The following CASP2 variants were observed in gnomAD, a reference collection of about 807,000 sequenced individuals.
CASP2 encodes caspase-2.
CASP2 carries 38 observed loss-of-function variants against 54.4 expected under a neutral mutation model. The observed-to-expected ratio is 0.70, with a 90% CI of 0.54 to 0.92. The LOEUF (loss-of-function observed/expected upper bound fraction) is 0.92. Ranked by LOEUF, CASP2 falls within the 40% of genes least tolerant of loss-of-function variation. The probability of loss-of-function intolerance (pLI) is 0.00; values close to 1 mark genes in which losing one functional copy is unlikely to be tolerated. For synonymous variants in CASP2, 215 were observed against 216.3 expected (o/e 0.99, Z 0.05); for missense variants, 512 against 579.6 (o/e 0.88, Z 1.20).
At chr7:143,301,330 T>C (rs1446311071) in intron 8 of CASP2, 4 of 152,066 alleles carry the variant, frequency 2.6e-5, no homozygotes, top group Non-Finnish European at 5.9e-5. Context: ...CCTGATCTAG[T>C]ATTACCGCAG....
chr7:143,291,742 G>C, intron 2 of CASP2, 52 bp downstream of exon 2: 1 of 1,289,678 alleles, frequency 7.8e-7, no homozygotes, highest in Non-Finnish European at 1.1e-6. Flanking sequence ...TGGGAATAGA[G>C]CATGACAAAA....
At chr7:143,292,171 T>G in intron 2 of CASP2, 129 bp from the exon 3 acceptor site, 2 of 846,048 alleles carry the variant, frequency 2.4e-6, no homozygotes, top group East Asian at 5.1e-5. Context: ...AGAAAGGACT[T>G]CACCCATACA....
intron 6 of CASP2, among the ~76,000 whole-genome samples, chr7:143,297,842 C>T (rs1186350683): frequency 6.6e-6 from 1 of 152,204 alleles, no homozygotes; most frequent in African/African-American, 2.4e-5. Flanking sequence ...GTTATGTATT[C>T]TCTTGAAATT....
chr7:143,302,371 A>C (rs903850023), intron 8 of CASP2: 10 of 152,140 alleles, frequency 6.6e-5, no homozygotes, highest in African/African-American at 2.2e-4. Flanking sequence ...ACTTTTCTGA[A>C]ATTAAATCCT....
At chr7:143,295,392 T>A (rs1404797921) in intron 6 of CASP2, among the ~76,000 whole-genome samples, 1 of 152,348 alleles carries the variant, frequency 6.6e-6, no homozygotes, top group East Asian at 1.9e-4. Flanking sequence ...GGACCAGATT[T>A]CTAGAAATTG....
intron 6 of CASP2, among the ~76,000 whole-genome samples, chr7:143,299,292 A>G (rs1428546079): frequency 6.6e-6 from 1 of 152,216 alleles, no homozygotes; most frequent in Non-Finnish European, 1.5e-5. Context: ...CAACTCATGA[A>G]GCCAAGGTTC....
intron 8 of CASP2, 196 bp downstream of exon 8, chr7:143,300,490 G>T: frequency 6.3e-7 from 1 of 1,590,624 alleles, no homozygotes; most frequent in Non-Finnish European, 8.5e-7. Flanking sequence ...GCAGCCCATG[G>T]CTCTCAGGCT....
At chr7:143,291,789 T>TTC (rs2116765300) in intron 2 of CASP2, 99 bp downstream of exon 2, 2 of 1,048,646 alleles carry the variant, frequency 1.9e-6, no homozygotes, top group East Asian at 4.8e-5. Context: ...CCTTTTTTTT[T>TTC]TTTTTTTTTT....
chr7:143,300,234 G>T lies in CASP2; in HGVS notation c.907G>T (p.Ala303Ser), dbSNP rs756201685. 2.5e-6 allele frequency: 4 copies of T among 1,613,834 alleles called. No homozygotes were observed. Among genetic ancestry groups the T allele is most frequent in the Non-Finnish European group, 3.4e-6 (4 of 1,180,016 alleles). ...AGAGGTTTTTCAGCTCTTTGACAAC[G>T]CCAACTGCCCAAGCCTACAGAACAA... ...LQEVFQLFDN[A>S]NCPSLQNKPK... The change falls in exon 8 of 11, where the codon GCC becomes TCC. Residue 303 changes from alanine to serine, a missense_variant. Ala to Ser is a moderately conservative substitution (Grantham distance 99). Coordinates refer to ENST00000310447, the MANE Select transcript of CASP2 (RefSeq NM_032982.4).
intron 6 of CASP2, among the ~76,000 whole-genome samples, chr7:143,297,168 A>G (rs548373509): frequency 1.3e-5 from 2 of 152,258 alleles, no homozygotes; most frequent in South Asian, 4.1e-4. Flanking sequence ...ATGTCCCCCA[A>G]CCCCTAGCCA....
chr7:143,289,508 G>C, intron 1 of CASP2: 1 of 306,676 alleles, frequency 3.3e-6, no homozygotes, highest in Non-Finnish European at 4.8e-6. Context: ...CAATATTAAG[G>C]GCAGGCCAAA....
rs1801609716 is a variant in CASP2, at chr7:143,292,624, G to T, written c.401G>T (p.Cys134Phe). ...AGTTTTGATTTCTTACAGTTGAGCT[G>T]TGACTACGACTTGAGTCTCCCTTTT... ...GLQHVLPPLS[C>F]DYDLSLPFPV... The change falls in exon 4 of 11, where the codon TGT (cysteine) becomes TTT (phenylalanine). Residue 134 changes from cysteine to phenylalanine, a missense_variant. Physicochemically the swap from Cys to Phe is radical, Grantham distance 205 (BLOSUM62 -2). Transcript: ENST00000310447. 1 of 1,613,788 alleles carries T rather than the reference G, an allele frequency of 6.2e-7. No homozygotes were observed. The highest frequency in any genetic ancestry group is 1.3e-5 in the African/African-American group (1 of 74,926).
chr7:143,296,450 A>C (rs1333879149), intron 6 of CASP2, among the ~76,000 whole-genome samples: 2 of 152,250 alleles, frequency 1.3e-5, no homozygotes, highest in Non-Finnish European at 1.5e-5. Context: ...TAAGAAGAAG[A>C]AGCGCCTAGG....
rs141722194 is a variant in CASP2 at position 143,291,419 on chromosome 7, T to C, written c.75-121T>C. ...TTGCTTTAACCAGATTTAAGAAATA[T>C]GCATAATCTTGGTTATTGTAAGTCT... is the stretch of plus-strand genomic sequence containing the variant. On this transcript the variant is annotated intron_variant, in intron 1 of 10. Transcript: ENST00000310447. The C allele has an allele frequency of 1.4e-4, 130 of 950,224 alleles. 1 individual carries two copies. In the African/African-American group the frequency reaches 1.8e-3, roughly 13 times the overall value. 58.9% of individuals were successfully genotyped at this position (950,224 alleles called of 1,614,324 possible). A position where few individuals can be genotyped will look rare whatever the true frequency, so the allele number is the denominator to read the frequency against.
intron 8 of CASP2, chr7:143,300,571 AGAACTCT>A: frequency 6.7e-7 from 1 of 1,482,034 alleles, no homozygotes; most frequent in South Asian, 1.2e-5. Flanking sequence ...TTCCTTTCTG[AGAACTCT>A]TACTCTTTTC....
intron 6 of CASP2, 107 bp downstream of exon 6, chr7:143,294,880 G>A (rs1801696117): frequency 9.7e-7 from 1 of 1,032,372 alleles, no homozygotes; most frequent in Non-Finnish European, 1.5e-6. Context: ...CTTAAAAGTT[G>A]GTTTATTCTA....
chr7:143,307,248 T>C lies in CASP2; in HGVS notation c.*2177T>C, dbSNP rs1487160069. On this transcript the variant is annotated 3_prime_UTR_variant, in exon 11 of 11. Transcript: ENST00000310447. ...AATGAGGGCAGAAACCTTGTTTGTT[T>C]TATTCACCATCATGTACCAAGTGCT... 1.3e-5 allele frequency: 2 copies of C among 152,256 alleles called. No homozygotes were observed. Among genetic ancestry groups the C allele is most frequent in the African/African-American group, 2.4e-5 (1 of 41,460 alleles). The allele number at this position is 152,256 out of a possible 1,614,324, so 9.4% of individuals were successfully genotyped here. A position where few individuals can be genotyped will look rare whatever the true frequency, so the allele number is the denominator to read the frequency against.
At chr7:143,304,909 A>T (rs1213301525) in intron 10 of CASP2, 31 bp from the exon 11 acceptor site, 1 of 1,614,132 alleles carries the variant, frequency 6.2e-7, no homozygotes, top group Admixed American at 1.7e-5. Context: ...CGAGATTCTC[A>T]GACTTGGGCC....
rs1801990606 is a variant in CASP2, at chr7:143,303,808, A to C, written c.992A>C (p.Gln331Pro). The C allele has an allele frequency of 6.2e-7, 1 of 1,614,028 alleles. No individual in the cohort carries two copies. ...GATGAGACTGATCGTGGGGTTGACC[A>C]ACAAGATGGAAAGAACCACGCAGGA... ...RGDETDRGVDQQDGKNHAGSP... is the reference protein window; with the variant it reads ...RGDETDRGVDPQDGKNHAGSP... Residue 331 changes from glutamine to proline, a missense_variant, in exon 9 of 11, where the codon CAA (glutamine) becomes CCA (proline). This residue lies in a region of CASP2 where 417 missense variants were observed against 495.4 expected (regional missense o/e 0.84). Transcript: ENST00000310447.
Sources: allele counts gnomAD v4.1 joint callset (sites outside exome capture counted in the v4.1 genomes callset), GRCh38; gene constraint gnomAD v4.1.1; regional missense constraint gnomAD v4.1.1; transcripts MANE v1.5; gene names NCBI Gene and HGNC (gene_info 2026-07-23, HGNC 2026-07-21).